Variants in FGF13 observed in about 807,000 individuals in gnomAD.
FGF13 encodes fibroblast growth factor homologous factor 2.
Under a neutral mutation model 19.5 loss-of-function variants are expected in FGF13, and 2 were observed. The ratio of observed to expected loss-of-function variants is 0.10; its 90% CI spans 0.04 to 0.32. The LOEUF is 0.32. Among genes scored for constraint, FGF13 ranks in the 10% least tolerant of loss-of-function variants. FGF13 has a pLI of 1.00. For synonymous variants in FGF13, 72 were observed against 76.9 expected, an observed-to-expected ratio of 0.94 and a Z score of 0.33; for missense variants, 113 against 192.7, an observed-to-expected ratio of 0.59 and a Z score of 2.45.
At chrX:139,176,837 A>G (rs2084190269) in intron 1 of FGF13, among the ~76,000 whole-genome samples, 1 of 111,109 alleles carries the variant, frequency 9.0e-6, no homozygotes, top group African/African-American at 3.3e-5. Context: ...CAATTATGTG[A>G]TCGATTTTAG....
At chrX:138,705,562 A>G (rs1039477509) in intron 2 of FGF13, among the ~76,000 whole-genome samples, 1 of 112,170 alleles carries the variant, frequency 8.9e-6, no homozygotes, top group Admixed American at 9.4e-5. Flanking sequence ...CATCACCCCA[A>G]AATAAAAACT....
At chrX:138,784,531 C>T (rs994549055) in intron 3 of FGF13, among the ~76,000 whole-genome samples, 1 of 110,366 alleles carries the variant, frequency 9.1e-6, no homozygotes, top group African/African-American at 3.3e-5. Flanking sequence ...TAGTTACCTG[C>T]TCTTTCCTTT....
intron 1 of FGF13, among the ~76,000 whole-genome samples, chrX:138,865,895 A>G (rs1278112718): frequency 9.0e-6 from 1 of 110,944 alleles, no homozygotes; most frequent in Non-Finnish European, 1.9e-5. Context: ...GTATCTTTCT[A>G]CTCTCATCCC....
At chrX:138,966,860 A>T (rs1441479392) in intron 1 of FGF13, among the ~76,000 whole-genome samples, 1 of 111,338 alleles carries the variant, frequency 9.0e-6, no homozygotes, top group East Asian at 2.8e-4. Flanking sequence ...TAACTGAATC[A>T]TGGGGGGTGG....
At chrX:138,861,517 A>G (rs1276188960) in intron 2 of FGF13, among the ~76,000 whole-genome samples, 1 of 112,451 alleles carries the variant, frequency 8.9e-6, no homozygotes, top group Non-Finnish European at 1.9e-5. Flanking sequence ...CGTGACAAAC[A>G]CTATGATGAA....
intron 3 of FGF13, among the ~76,000 whole-genome samples, chrX:138,815,304 A>G (rs936010564): frequency 4.5e-5 from 5 of 111,173 alleles, no homozygotes; most frequent in Admixed American, 9.7e-5. Flanking sequence ...TGTATACTTA[A>G]AAAGTGCTAA....
intron 3 of FGF13, among the ~76,000 whole-genome samples, chrX:138,788,375 C>G (rs1228817870): frequency 8.9e-6 from 1 of 112,322 alleles, no homozygotes; most frequent in East Asian, 2.8e-4. Flanking sequence ...CCTGAACATG[C>G]TGGGGCAGAG....
At position 139,079,126 on chromosome X, in the gene FGF13, C is replaced by T. The variant is rs183150521; in HGVS notation, c.-113+124290G>A. On this transcript the variant is annotated intron_variant, in intron 1 of 2. Transcript: ENST00000421460. Reference sequence around the variant, plus strand: ...GAGCACCGATTCGCAGCGTGTGTTGCTTCTGTGGATTTTATGTTGATGAAA... The same window carrying T: ...GAGCACCGATTCGCAGCGTGTGTTGTTTCTGTGGATTTTATGTTGATGAAA... Among the ~76,000 whole-genome samples, 315 of 112,009 alleles carry T rather than the reference C, an allele frequency of 2.8e-3. 2 individuals are homozygous for T. The highest frequency in any genetic ancestry group is 9.9e-3 in the African/African-American group (305 of 30,855).
intron 1 of FGF13, among the ~76,000 whole-genome samples, chrX:139,072,277 A>C (rs867014082): frequency 1.2e-4 from 9 of 75,503 alleles, no homozygotes; most frequent in African/African-American, 5.5e-4. Context: ...CTCTCTCTCT[A>C]CACACACACA....
At chrX:138,646,032 C>T (rs1413625489) in intron 3 of FGF13, among the ~76,000 whole-genome samples, 1 of 112,157 alleles carries the variant, frequency 8.9e-6, no homozygotes, top group African/African-American at 3.2e-5. Flanking sequence ...CACTGTTTTA[C>T]TAGTTCTACT....
chrX:138,666,930 A>C (rs2089552918), intron 3 of FGF13, among the ~76,000 whole-genome samples: 2 of 110,007 alleles, frequency 1.8e-5, no homozygotes, highest in Admixed American at 2.0e-4. Context: ...TTACTATTCA[A>C]CCACTAAAAT....
At chrX:139,047,027 G>A (rs758421317) in intron 1 of FGF13, among the ~76,000 whole-genome samples, 1 of 111,985 alleles carries the variant, frequency 8.9e-6, no homozygotes, top group Admixed American at 9.4e-5. Context: ...CATTCTCCTG[G>A]TTCAATCATT....
intron 3 of FGF13, among the ~76,000 whole-genome samples, chrX:138,762,196 C>T (rs2090472326): frequency 9.2e-6 from 1 of 108,784 alleles, no homozygotes; most frequent in South Asian, 3.9e-4. Context: ...TCATCTCATC[C>T]TATGGTTTCA....
At chrX:138,902,918 G>A (rs1034843283) in intron 1 of FGF13, among the ~76,000 whole-genome samples, 1 of 110,988 alleles carries the variant, frequency 9.0e-6, no homozygotes, top group Non-Finnish European at 1.9e-5. Context: ...TTTCATAGAA[G>A]CTGAGATTAG....
intron 3 of FGF13, among the ~76,000 whole-genome samples, chrX:138,677,447 C>A (rs2089681593): frequency 1.8e-5 from 2 of 110,735 alleles, no homozygotes; most frequent in African/African-American, 6.6e-5. Context: ...GGGCTAATAT[C>A]CAGAATCTAC....
intron 3 of FGF13, among the ~76,000 whole-genome samples, chrX:138,789,526 G>A (rs1011602433): frequency 3.6e-5 from 4 of 110,632 alleles, no homozygotes; most frequent in African/African-American, 1.3e-4. Context: ...TTTGTCTACA[G>A]TGTTCTTCTT....
At chrX:139,203,972 C>G, upstream of FGF13, 2 of 1,022,268 alleles carry the variant, frequency 2.0e-6, no homozygotes, top group Non-Finnish European at 2.8e-6. Context: ...GGGAAGGAGG[C>G]AAGGAGCCGC....
chrX:138,976,735 C>A (rs72616256), intron 1 of FGF13, among the ~76,000 whole-genome samples: 6 of 11,000 alleles, frequency 5.5e-4, no homozygotes, highest in South Asian at 2.1e-3. Flanking sequence ...AAATTTTCTG[C>A]AAAAAAGCCC....
chrX:138,879,477 T>C (rs990340818), intron 1 of FGF13, among the ~76,000 whole-genome samples: 2 of 112,080 alleles, frequency 1.8e-5, no homozygotes, highest in African/African-American at 6.5e-5. Flanking sequence ...CTAAGAGTTT[T>C]ATGGTTTTAG....
Sources: gnomAD v4.1 joint callset for allele counts (sites outside exome capture counted in the v4.1 genomes callset) on GRCh38, gnomAD v4.1.1 for gene constraint, MANE v1.5 for transcripts, NCBI Gene and HGNC (gene_info 2026-07-23, HGNC 2026-07-21) for gene names.